DAAM2: variants seen among roughly 807,000 people sequenced by gnomAD.
The protein encoded by DAAM2 is disheveled-associated activator of morphogenesis 2.
A neutral mutation model predicts 120.7 loss-of-function variants in DAAM2; 39 were observed. The ratio of observed to expected loss-of-function variants is 0.32; its 90% CI spans 0.25 to 0.42. The LOEUF (loss-of-function observed/expected upper bound fraction) is 0.42, where lower values mean the gene tolerates loss of function less well. Ranked by LOEUF, DAAM2 falls within the 10% of genes least tolerant of loss-of-function variation. The probability of loss-of-function intolerance (pLI) is 1.00; values close to 1 mark genes in which losing one functional copy is unlikely to be tolerated. For missense variants in DAAM2, 1,283 were observed against 1,401.7 expected, an observed-to-expected ratio of 0.92 and a Z score of 1.35; for synonymous variants, 488 against 524.9, an observed-to-expected ratio of 0.93 and a Z score of 0.96.
chr6:39,872,721 C>T (rs1764710379), intron 9 of DAAM2, among the ~76,000 whole-genome samples: 1 of 152,324 alleles, frequency 6.6e-6, no homozygotes, highest in East Asian at 1.9e-4. Flanking sequence ...GGATAAGCAG[C>T]TTGCCTGTCA....
chr6:39,856,001 G>A, intron 1 of DAAM2: 1 of 983,324 alleles, frequency 1.0e-6, no homozygotes, highest in Non-Finnish European at 1.2e-6. Context: ...GAATATGAAA[G>A]TGTCTTGGCA....
chr6:39,859,425 T>C (rs940194960), intron 2 of DAAM2, among the ~76,000 whole-genome samples: 1 of 152,228 alleles, frequency 6.6e-6, no homozygotes, highest in Admixed American at 6.5e-5. Context: ...TAGAGAGCAG[T>C]TCTAGGGAAG....
Position 39,888,316 on chromosome 6 carries a change from C to T in DAAM2, c.2061-363C>T, listed in dbSNP as rs138706653. 1.8e-3 allele frequency: 291 copies of T among 162,810 alleles called. 1 individual carries two copies. The highest frequency in any genetic ancestry group is 6.5e-3 in the African/African-American group (274 of 41,964). 10.1% of individuals were successfully genotyped at this position (162,810 alleles called of 1,614,324 possible). A position where few individuals can be genotyped will look rare whatever the true frequency, so the allele number is the denominator to read the frequency against. On this transcript the variant is annotated intron_variant, in intron 16 of 24. Transcript: ENST00000274867. ...TGGCTTGCCGATAATCCTGTCCTCCCGTGGAGATGCTGTGCATTTTTTAAG... is the reference window on the plus strand; with the variant it reads ...TGGCTTGCCGATAATCCTGTCCTCCTGTGGAGATGCTGTGCATTTTTTAAG...
At chr6:39,828,656 G>A (rs572910096) in intron 1 of DAAM2, among the ~76,000 whole-genome samples, 25 of 148,260 alleles carry the variant, frequency 1.7e-4, no homozygotes, top group South Asian at 6.6e-4. Context: ...TCTGCCTCCC[G>A]GGTTCAAGTG....
In DAAM2 at chr6:39,884,014, G is replaced by A. The variant is rs757583664; in HGVS notation, c.1898G>A (p.Arg633Gln). 4.0e-5 allele frequency: 64 copies of A among 1,613,332 alleles called. No individual in the cohort carries two copies. The highest frequency in any genetic ancestry group is 1.2e-4 in the South Asian group (11 of 90,976). Residue 633 changes from arginine to glutamine, a missense_variant, in exon 15 of 25, where the codon CGG becomes CAG. Coordinates refer to ENST00000274867, the MANE Select transcript of DAAM2 (RefSeq NM_001201427.2). ...WNEIDDMQVF[R>Q]ILDLEDFEKM... ...GAGATTGATGACATGCAGGTATTTCGGATCCTGGACCTAGAGGATTTTGAA... is the reference window on the plus strand; with the variant it reads ...GAGATTGATGACATGCAGGTATTTCAGATCCTGGACCTAGAGGATTTTGAA...
At chr6:39,840,986 G>A (rs1403505776) in intron 1 of DAAM2, among the ~76,000 whole-genome samples, 1 of 148,634 alleles carries the variant, frequency 6.7e-6, no homozygotes, top group Non-Finnish European at 1.5e-5. Flanking sequence ...GGCTCCAGGA[G>A]GAGGGGATCT....
At chr6:39,881,200 G>A (rs895693397) in intron 14 of DAAM2, among the ~76,000 whole-genome samples, 1 of 151,808 alleles carries the variant, frequency 6.6e-6, no homozygotes, top group Non-Finnish European at 1.5e-5. Flanking sequence ...GATTGCCCAG[G>A]GGCCCAGAGC....
intron 11 of DAAM2, among the ~76,000 whole-genome samples, chr6:39,877,246 C>T (rs1246521940): frequency 1.3e-5 from 2 of 152,222 alleles, no homozygotes; most frequent in African/African-American, 4.8e-5. Context: ...ACCCTCATGC[C>T]ATCTCTTGTG....
chr6:39,816,430 T>C (rs1762312062), intron 1 of DAAM2, among the ~76,000 whole-genome samples: 1 of 152,156 alleles, frequency 6.6e-6, no homozygotes, highest in African/African-American at 2.4e-5. Context: ...CTATCTTTTG[T>C]ATATAGGAGG....
intron 1 of DAAM2, among the ~76,000 whole-genome samples, chr6:39,804,110 T>G (rs1044832347): frequency 6.6e-6 from 1 of 152,174 alleles, no homozygotes; most frequent in Non-Finnish European, 1.5e-5. Flanking sequence ...GAGTTTGGCC[T>G]GATGTGGCAT....
At position 39,896,975 on chromosome 6, in the gene DAAM2, C is replaced by G. The variant is rs749112544; in HGVS notation, c.2505C>G (p.Ile835Met). Residue 835 changes from isoleucine (I) to methionine (M), a missense_variant, in exon 20 of 25, where the codon ATC becomes ATG. Ile to Met is a conservative substitution (Grantham distance 10). Transcript: ENST00000274867. ...AGATCGCTGACACCAAGTCCAGCAT[C>G]GACAGGTGAGGACCTCCCTTCCCGG... is the stretch of plus-strand genomic sequence containing the variant. Reference protein sequence around the residue: ...LNKIADTKSSIDRNISLLHYL... With the variant: ...LNKIADTKSSMDRNISLLHYL... 4.4e-5 allele frequency: 70 copies of G among 1,607,048 alleles called. No homozygotes were observed. The highest frequency in any genetic ancestry group is 5.9e-5 in the Non-Finnish European group (70 of 1,176,566).
chr6:39,798,214 A>T (rs1761757419), intron 1 of DAAM2, among the ~76,000 whole-genome samples: 1 of 152,228 alleles, frequency 6.6e-6, no homozygotes, highest in Non-Finnish European at 1.5e-5. Flanking sequence ...CCTATGTATG[A>T]TTCCTGGAAC....
intron 1 of DAAM2, among the ~76,000 whole-genome samples, chr6:39,797,398 A>C (rs1049843080): frequency 2.0e-5 from 3 of 151,382 alleles, no homozygotes; most frequent in Non-Finnish European, 2.9e-5. Context: ...CAATCATATG[A>C]GATTGATATT....
At chr6:39,795,057 G>C (rs1302552179) in intron 1 of DAAM2, among the ~76,000 whole-genome samples, 1 of 152,158 alleles carries the variant, frequency 6.6e-6, no homozygotes, top group African/African-American at 2.4e-5. Flanking sequence ...TTCTGGGCTT[G>C]TACTAGGAGA....
chr6:39,839,423 T>A (rs904178405), intron 1 of DAAM2, among the ~76,000 whole-genome samples: 8 of 152,228 alleles, frequency 5.3e-5, no homozygotes, highest in African/African-American at 1.9e-4. Context: ...TAGTTTGAGA[T>A]GTTCTGTTGA....
intron 2 of DAAM2, among the ~76,000 whole-genome samples, chr6:39,860,374 C>A (rs947080920): frequency 7.9e-5 from 12 of 152,234 alleles, no homozygotes; most frequent in African/African-American, 2.9e-4. Context: ...CCCTTGTCCT[C>A]ACCAGCTCTC....
At chr6:39,822,884 C>G (rs956866514) in intron 1 of DAAM2, 5 of 152,262 alleles carry the variant, frequency 3.3e-5, no homozygotes, top group South Asian at 2.1e-4. Flanking sequence ...GTCCTCACCC[C>G]CAGCCAGAGC....
At chr6:39,883,281 T>C (rs1765219235) in intron 14 of DAAM2, among the ~76,000 whole-genome samples, 1 of 151,864 alleles carries the variant, frequency 6.6e-6, no homozygotes, top group South Asian at 2.1e-4. Context: ...GGAGAGACCT[T>C]GGAATGTAAA....
chr6:39,882,803 G>C (rs879709900), intron 14 of DAAM2, among the ~76,000 whole-genome samples: 5 of 152,014 alleles, frequency 3.3e-5, no homozygotes, highest in Non-Finnish European at 7.3e-5. Flanking sequence ...TTGGCCAGCT[G>C]CCTGTATCCC....
Sources: gnomAD v4.1 joint callset for allele counts (sites outside exome capture counted in the v4.1 genomes callset) on GRCh38, gnomAD v4.1.1 for gene constraint, MANE v1.5 for transcripts, NCBI Gene and HGNC (gene_info 2026-07-23, HGNC 2026-07-21) for gene names.